SYNE1: variants seen among roughly 807,000 people sequenced by gnomAD.
The protein encoded by SYNE1 is nesprin-1.
A neutral mutation model predicts 1,111.0 loss-of-function variants in SYNE1; 616 were observed. The observed-to-expected ratio is 0.55, with a 90% CI of 0.52 to 0.59. The LOEUF (loss-of-function observed/expected upper bound fraction) is 0.59. SYNE1 is among the 20% of genes least tolerant of loss of function. The pLI, the probability that SYNE1 is intolerant of heterozygous loss-of-function variation, is 0.00. For synonymous variants in SYNE1, 3,855 were observed against 3,825.8 expected (o/e 1.01, Z -0.28); for missense variants, 10,006 against 10,417.0 (o/e 0.96, Z 1.72).
intron 75 of SYNE1, 57 bp downstream of exon 75, chr6:152,339,184 T>G (rs1167162638): frequency 3.7e-6 from 6 of 1,601,646 alleles, no homozygotes; most frequent in Non-Finnish European, 5.1e-6. Context: ...CATGAAACAT[T>G]CAAGCAAGAG....
chr6:152,406,946 T>C, intron 45 of SYNE1, 68 bp downstream of exon 45: 2 of 1,009,656 alleles, frequency 2.0e-6, no homozygotes, highest in Non-Finnish European at 2.6e-6. Context: ...AAGAAAGACT[T>C]TTTTTTTTTT....
At chr6:152,441,808 T>A (rs1398639557) in intron 31 of SYNE1, among the ~76,000 whole-genome samples, 4 of 152,242 alleles carry the variant, frequency 2.6e-5, no homozygotes, top group Non-Finnish European at 5.9e-5. Context: ...GATGAAATCC[T>A]GGCTTTATTA....
chr6:152,558,415 A>G (rs375227495), intron 3 of SYNE1, among the ~76,000 whole-genome samples: 1 of 152,222 alleles, frequency 6.6e-6, no homozygotes, highest in African/African-American at 2.4e-5. Flanking sequence ...ATTAAAAAGT[A>G]TAAGATCAAA....
chr6:152,520,986 T>C (rs977354955), intron 5 of SYNE1, among the ~76,000 whole-genome samples: 1 of 152,180 alleles, frequency 6.6e-6, no homozygotes, highest in Non-Finnish European at 1.5e-5. Flanking sequence ...TCCCAAAATA[T>C]GACCACCATT....
intron 86 of SYNE1, 31 bp from the exon 87 acceptor site, chr6:152,317,017 T>G (rs2095742522): frequency 6.2e-7 from 1 of 1,612,486 alleles, no homozygotes; most frequent in Non-Finnish European, 8.5e-7. Context: ...ATGTAACAAA[T>G]GTAAACTCCT....
intron 39 of SYNE1, among the ~76,000 whole-genome samples, chr6:152,422,035 T>G (rs1010717415): frequency 6.6e-6 from 1 of 152,106 alleles, no homozygotes; most frequent in Non-Finnish European, 1.5e-5. Context: ...CCCCACAAAC[T>G]GAAGCTAGGC....
intron 92 of SYNE1, among the ~76,000 whole-genome samples, chr6:152,301,302 C>T (rs2095154802): frequency 6.6e-6 from 1 of 152,200 alleles, no homozygotes; most frequent in Non-Finnish European, 1.5e-5. Context: ...ATACTCAATG[C>T]ATTTTAGATG....
intron 3 of SYNE1, among the ~76,000 whole-genome samples, chr6:152,582,355 G>T (rs902536169): frequency 4.0e-5 from 6 of 151,828 alleles, no homozygotes; most frequent in Admixed American, 2.0e-4. Flanking sequence ...ATCTCTCCTT[G>T]TAATAACAAT....
chr6:152,311,177 A>C, intron 87 of SYNE1: 1 of 390,826 alleles, frequency 2.6e-6, no homozygotes, highest in Non-Finnish European at 4.7e-6. Context: ...AGGACATAGG[A>C]ATTCTAGCAG....
At chr6:152,458,997 A>C in intron 21 of SYNE1, 67 bp from the exon 22 acceptor site, 3 of 1,402,064 alleles carry the variant, frequency 2.1e-6, no homozygotes, top group Non-Finnish European at 3.0e-6. Flanking sequence ...GGGAACGTTC[A>C]TAGCTCTGAG....
At chr6:152,202,084 C>A in intron 126 of SYNE1, 135 bp from the exon 127 acceptor site, 1 of 1,174,558 alleles carries the variant, frequency 8.5e-7, no homozygotes, top group Non-Finnish European at 1.2e-6. Flanking sequence ...TGGTGGCTCA[C>A]GCGTGTAATC....
intron 11 of SYNE1, among the ~76,000 whole-genome samples, chr6:152,489,953 T>C (rs2098961584): frequency 6.6e-6 from 1 of 152,192 alleles, no homozygotes; most frequent in Admixed American, 6.5e-5. Context: ...AGGAATCATA[T>C]ATTGAGAACA....
chr6:152,320,728 T>C (rs1413130620), intron 84 of SYNE1, among the ~76,000 whole-genome samples: 2 of 152,208 alleles, frequency 1.3e-5, no homozygotes, highest in Non-Finnish European at 2.9e-5. Flanking sequence ...CCTTGGGTGT[T>C]TAGAAGCTAG....
intron 3 of SYNE1, among the ~76,000 whole-genome samples, chr6:152,623,031 A>G (rs1007660111): frequency 6.6e-6 from 1 of 151,928 alleles, no homozygotes; most frequent in Non-Finnish European, 1.5e-5. Flanking sequence ...GCTTTTTTTC[A>G]TATGAAAGCC....
intron 127 of SYNE1, among the ~76,000 whole-genome samples, chr6:152,198,035 A>C (rs968964563): frequency 1.3e-5 from 2 of 151,136 alleles, no homozygotes; most frequent in Non-Finnish European, 3.0e-5. Context: ...GGGGAGAAGG[A>C]AGGAAGGTTA....
At chr6:152,484,038 C>CAAAAAAAAAAAAAA (rs773019397) in intron 13 of SYNE1, among the ~76,000 whole-genome samples, 879 of 53,468 alleles carry the variant, frequency 0.016, 60 homozygotes, top group Non-Finnish European at 0.03. Context: ...CTCATCTCTA[C>CAAAAAAAAAAAAAA]AAAAAAAAAA....
chr6:152,571,090 A>G (rs1249474392), intron 3 of SYNE1, among the ~76,000 whole-genome samples: 2 of 152,180 alleles, frequency 1.3e-5, no homozygotes, highest in African/African-American at 4.8e-5. Flanking sequence ...TAATACAGAG[A>G]TATTTTTCAA....
chr6:152,219,053 G>A lies in SYNE1; in HGVS notation c.21994C>T (p.His7332Tyr). The change falls in exon 120 of 146, where the codon CAC (histidine) becomes TAC (tyrosine). Residue 7332 changes from histidine to tyrosine, a missense_variant. Transcript: ENST00000367255. ...AGAGCTTGCTCCAGGGCACACAAGT[G>A]TTGACTCAAAGAGAGTTGATCCGAT... is the stretch of plus-strand genomic sequence containing the variant. ...IQSDQLSLSQHLCALEQALCK... is the reference protein window; with the variant it reads ...IQSDQLSLSQYLCALEQALCK... 1 of 1,614,168 alleles carries A rather than the reference G, an allele frequency of 6.2e-7. No homozygotes were observed. The highest frequency in any genetic ancestry group is 8.5e-7 in the Non-Finnish European group (1 of 1,180,016).
At position 152,149,174 on chromosome 6, in the gene SYNE1, G is replaced by A. The variant is rs9383966; in HGVS notation, c.24642+303C>T. The stretch of plus-strand genomic sequence containing the variant: ...AGATTCTTATTTATCTTCCATAGAA[G>A]ATATGAGCCAAATGTTCTTCTAAAC... On this transcript the variant is annotated intron_variant, in intron 136 of 145. Coordinates refer to ENST00000367255, the MANE Select transcript of SYNE1 (RefSeq NM_182961.4). Among the ~76,000 whole-genome samples the A allele has an allele frequency of 3.9e-5, 6 of 152,284 alleles. No individual in the cohort carries two copies. The East Asian group carries it at 9.6e-4, about 24-fold the overall frequency.
Sources: allele counts gnomAD v4.1 joint callset (sites outside exome capture counted in the v4.1 genomes callset), GRCh38; gene constraint gnomAD v4.1.1; transcripts MANE v1.5; gene names NCBI Gene and HGNC (gene_info 2026-07-23, HGNC 2026-07-21).